RBFOX1: variants seen among roughly 807,000 people sequenced by gnomAD.
RBFOX1 encodes the protein RNA binding protein fox-1 homolog 1.
RBFOX1 carries 8 observed loss-of-function variants against 57.7 expected under a neutral mutation model. The ratio of observed to expected loss-of-function variants is 0.14; its 90% CI spans 0.08 to 0.25. The LOEUF is 0.25. RBFOX1 is among the 10% of genes least tolerant of loss of function. The pLI is 1.00. For missense variants in RBFOX1, 611 were observed against 548.5 expected (o/e 1.11, Z -1.14); for synonymous variants, 326 against 222.4 (o/e 1.47, Z -4.15).
rs536660219 is a variant in RBFOX1, at chr16:6,500,398, A to G, written c.-63-154205A>G. 1.1e-4 allele frequency among the ~76,000 whole-genome samples: 16 copies of G among 152,234 alleles called. No individual in the cohort carries two copies. The South Asian group carries it at 3.1e-3, about 30-fold the overall frequency. On this transcript the variant is annotated intron_variant, in intron 2 of 15. Transcript: ENST00000550418. ...CAGAGCTTCTCACTAGAGGATATTC[A>G]CTGACCATTTATATGATATTGTTAA...
intron 1 of RBFOX1, among the ~76,000 whole-genome samples, chr16:6,163,642 CTT>C (rs1465155799): frequency 2.6e-5 from 4 of 152,134 alleles, no homozygotes; most frequent in African/African-American, 9.7e-5. Context: ...ATAGCAGAGA[CTT>C]TACTGGTTAT....
chr16:6,708,336 C>T (rs75877554), intron 3 of RBFOX1, among the ~76,000 whole-genome samples: 104 of 152,122 alleles, frequency 6.8e-4, no homozygotes, highest in African/African-American at 2.5e-3. Context: ...CACTGTCTTC[C>T]CAACTACCTT....
intron 1 of RBFOX1, among the ~76,000 whole-genome samples, chr16:5,374,279 C>G (rs749422340): frequency 4.6e-5 from 7 of 152,122 alleles, no homozygotes; most frequent in Non-Finnish European, 7.3e-5. Context: ...CAAGAATGAA[C>G]TAATAAAAGT....
intron 4 of RBFOX1, among the ~76,000 whole-genome samples, chr16:7,331,013 T>C (rs2096684893): frequency 6.6e-6 from 1 of 152,184 alleles, no homozygotes; most frequent in South Asian, 2.1e-4. Context: ...TTTTGAATTG[T>C]ACAACGTGGC....
intron 4 of RBFOX1, among the ~76,000 whole-genome samples, chr16:6,009,653 A>G (rs759525052): frequency 2.6e-4 from 40 of 151,578 alleles, no homozygotes; most frequent in Non-Finnish European, 4.7e-4. Context: ...GGAAATATCC[A>G]TGCACAAAGC....
chr16:6,870,289 G>T (rs2060642748), intron 3 of RBFOX1, among the ~76,000 whole-genome samples: 1 of 152,064 alleles, frequency 6.6e-6, no homozygotes, highest in Admixed American at 6.6e-5. Context: ...AAAAATCCGT[G>T]CCTTTTTGTT....
intron 4 of RBFOX1, among the ~76,000 whole-genome samples, chr16:6,013,475 T>C (rs2094974064): frequency 6.6e-6 from 1 of 152,140 alleles, no homozygotes; most frequent in African/African-American, 2.4e-5. Flanking sequence ...ACCCTCATGA[T>C]CATGAATCAT....
chr16:5,955,813 G>A (rs968444503), intron 4 of RBFOX1, among the ~76,000 whole-genome samples: 8 of 152,096 alleles, frequency 5.3e-5, no homozygotes, highest in African/African-American at 9.7e-5. Flanking sequence ...AGTCACTCCC[G>A]GAAAACTAAT....
At chr16:6,354,257 A>AC (rs1223620756) in intron 2 of RBFOX1, among the ~76,000 whole-genome samples, 15 of 152,170 alleles carry the variant, frequency 9.9e-5, no homozygotes, top group Non-Finnish European at 1.8e-4. Context: ...ATAGATATAT[A>AC]TAAAAAAAAT....
At chr16:7,032,093 C>T (rs1304438233) in intron 3 of RBFOX1, among the ~76,000 whole-genome samples, 2 of 152,044 alleles carry the variant, frequency 1.3e-5, no homozygotes, top group African/African-American at 2.4e-5. Context: ...CCGTAGTGTC[C>T]CCTCTTGAGA....
chr16:7,497,373 T>G (rs935874999), intron 4 of RBFOX1, among the ~76,000 whole-genome samples: 1 of 152,162 alleles, frequency 6.6e-6, no homozygotes, highest in Admixed American at 6.6e-5. Context: ...TCCTCAAGAT[T>G]CCTCTCAACT....
chr16:6,018,463 C>G (rs1216330231), upstream of RBFOX1, among the ~76,000 whole-genome samples: 6 of 152,154 alleles, frequency 3.9e-5, no homozygotes, highest in Non-Finnish European at 8.8e-5. Flanking sequence ...GGCTGTAAGA[C>G]ATCTGCTAGG....
intron 2 of RBFOX1, among the ~76,000 whole-genome samples, chr16:6,336,299 C>T (rs1359006901): frequency 6.9e-6 from 1 of 144,918 alleles, no homozygotes; most frequent in African/African-American, 2.5e-5. Flanking sequence ...CCCAGGTTCA[C>T]GCCATTCTGC....
Position 5,844,310 on chromosome 16 carries a change from G to A in RBFOX1, c.319-22993G>A, listed in dbSNP as rs1301475215. Among the ~76,000 whole-genome samples the A allele has an allele frequency of 2.6e-5, 4 of 152,294 alleles. 1 individual carries two copies. In the East Asian group the frequency reaches 7.7e-4, roughly 29 times the overall value. On this transcript the variant is annotated intron_variant, in intron 3 of 19. Coordinates refer to the RBFOX1 transcript ENST00000641259. ...AAACTGCCGGCAAGAAATGATGCAT[G>A]CTGCATTTTAAAATCTGGTTGTTGT...
chr16:7,687,496 T>C (rs1463130563), intron 14 of RBFOX1, among the ~76,000 whole-genome samples: 1 of 152,058 alleles, frequency 6.6e-6, no homozygotes, highest in Non-Finnish European at 1.5e-5. Context: ...CTGAATGATG[T>C]GAGTCAACTC....
chr16:5,434,551 C>T (rs1874380644), intron 1 of RBFOX1, among the ~76,000 whole-genome samples: 1 of 151,808 alleles, frequency 6.6e-6, no homozygotes, highest in African/African-American at 2.4e-5. Flanking sequence ...CTCCTGACCT[C>T]AAGTGATCTG....
At chr16:7,661,161 A>T (rs1049493259) in intron 12 of RBFOX1, among the ~76,000 whole-genome samples, 3 of 152,212 alleles carry the variant, frequency 2.0e-5, no homozygotes, top group Non-Finnish European at 2.9e-5. Context: ...TTTATTTCAC[A>T]CTGCCGGTGA....
At position 5,566,743 on chromosome 16, in the gene RBFOX1, C is replaced by T. The variant is rs74249193; in HGVS notation, c.259-32159C>T. On this transcript the variant is annotated intron_variant, in intron 2 of 2. Transcript: ENST00000585867. ...ATGGACAAACTACCTAGAGAGCTTTCGAATGCTTTGGAATGATTTTTGTTG... is the reference window on the plus strand; with the variant it reads ...ATGGACAAACTACCTAGAGAGCTTTTGAATGCTTTGGAATGATTTTTGTTG... 1.2e-3 allele frequency among the ~76,000 whole-genome samples: 187 copies of T among 151,848 alleles called. No homozygotes were observed. In the East Asian group the frequency reaches 0.029, roughly 24 times the overall value.
intron 2 of RBFOX1, among the ~76,000 whole-genome samples, chr16:5,507,494 G>A (rs2043419216): frequency 1.3e-5 from 2 of 152,166 alleles, no homozygotes; most frequent in African/African-American, 4.8e-5. Context: ...GCTGGAATTG[G>A]CAGAGAGCCA....
Sources: allele counts gnomAD v4.1 joint callset (sites outside exome capture counted in the v4.1 genomes callset), GRCh38; gene constraint gnomAD v4.1.1; transcripts MANE v1.5; gene names NCBI Gene and HGNC (gene_info 2026-07-23, HGNC 2026-07-21).